CD226: variants seen among roughly 807,000 people sequenced by gnomAD.
The protein encoded by CD226 is CD226 molecule, also known as CD226 antigen.
Under a neutral mutation model 34.9 loss-of-function variants are expected in CD226, and 24 were observed. That is an observed-to-expected ratio of 0.69 (90% confidence interval 0.50 to 0.97). The LOEUF (loss-of-function observed/expected upper bound fraction) is 0.97. Among genes scored for constraint, CD226 ranks in the 50% least tolerant of loss-of-function variants. CD226 has a pLI of 0.00. For missense variants in CD226, 397 were observed against 412.7 expected, an observed-to-expected ratio of 0.96 and a Z score of 0.33; for synonymous variants, 148 against 147.4, an observed-to-expected ratio of 1.00 and a Z score of -0.03.
At chr18:69,953,824 AC>A in intron 1 of CD226, among the ~76,000 whole-genome samples, 1 of 151,986 alleles carries the variant, frequency 6.6e-6, no homozygotes, top group South Asian at 2.1e-4. Context: ...ACATGGTGAA[AC>A]CCCGACTCTA....
At chr18:69,871,493 G>C (rs975337333) in intron 4 of CD226, among the ~76,000 whole-genome samples, 1 of 152,210 alleles carries the variant, frequency 6.6e-6, no homozygotes, top group African/African-American at 2.4e-5. Flanking sequence ...GGGATGGCAA[G>C]CATGAAAGTG....
chr18:69,936,998 TA>T lies in CD226; in HGVS notation c.382+9735del, dbSNP rs144352065. Among the ~76,000 whole-genome samples the T allele has an allele frequency of 1.6e-3, 247 of 152,354 alleles. 3 individuals are homozygous for T. Among genetic ancestry groups the T allele is most frequent in the African/African-American group, 5.5e-3 (230 of 41,588 alleles). On this transcript the variant is annotated intron_variant, in intron 2 of 5. Coordinates refer to ENST00000582621, the MANE Select transcript of CD226 (RefSeq NM_001303618.2). ...ATCACTTTCACCTGTCATTAATAGATATGATAGTGTCATTTTCGTATGTTTT... is the reference window on the plus strand; with the variant it reads ...ATCACTTTCACCTGTCATTAATAGATTGATAGTGTCATTTTCGTATGTTTT...
Position 69,858,360 on chromosome 18 carries a change from G to T in CD226, c.*5954C>A, listed in dbSNP as rs1399688327. ...TGAAGTTCTTCAACGAGCCTGGAGG[G>T]AATGTCGCAGTGTGTTCTGTTTGGA... On this transcript the variant is annotated 3_prime_UTR_variant, in exon 6 of 6. Coordinates refer to ENST00000582621, the MANE Select transcript of CD226 (RefSeq NM_001303618.2). 6.6e-6 allele frequency: 1 copy of T among 152,172 alleles called. No homozygotes were observed. Among genetic ancestry groups the T allele is most frequent in the Non-Finnish European group, 1.5e-5 (1 of 68,032 alleles). 9.4% of individuals were successfully genotyped at this position (152,172 alleles called of 1,614,324 possible). A position where few individuals can be genotyped will look rare whatever the true frequency, so the allele number is the denominator to read the frequency against.
intron 3 of CD226, among the ~76,000 whole-genome samples, chr18:69,884,671 G>A (rs1438331617): frequency 6.6e-6 from 1 of 152,168 alleles, no homozygotes; most frequent in Non-Finnish European, 1.5e-5. Flanking sequence ...AGGTGCAAAA[G>A]TACCTCCTGT....
intron 3 of CD226, among the ~76,000 whole-genome samples, chr18:69,879,691 G>A (rs1011488727): frequency 2.0e-4 from 31 of 152,158 alleles, no homozygotes; most frequent in South Asian, 1.5e-3. Flanking sequence ...CGAAGATGAC[G>A]GGATTAAGAG....
At chr18:69,961,560 C>T (rs2055929732), upstream of CD226, 2 of 152,150 alleles carry the variant, frequency 1.3e-5, no homozygotes, top group South Asian at 4.1e-4. Context: ...AAAGGTGCTC[C>T]CTGGAGCAGA....
intron 2 of CD226, among the ~76,000 whole-genome samples, chr18:69,898,663 G>A (rs538077529): frequency 1.5e-3 from 232 of 152,288 alleles, no homozygotes; most frequent in African/African-American, 5.4e-3. Flanking sequence ...AGTAGCCCCT[G>A]ATTAACCTTT....
chr18:69,897,323 G>A (rs1041072465), intron 2 of CD226, among the ~76,000 whole-genome samples: 2 of 152,182 alleles, frequency 1.3e-5, no homozygotes, highest in African/African-American at 4.8e-5. Flanking sequence ...TTGGGAACCC[G>A]ATCTAAAGAA....
intron 2 of CD226, among the ~76,000 whole-genome samples, chr18:69,902,742 T>G (rs1312334214): frequency 6.6e-6 from 1 of 151,902 alleles, no homozygotes. Context: ...CACGAGACGA[T>G]AACTTGTTCT....
At chr18:69,909,509 G>T (rs2055298149) in intron 2 of CD226, among the ~76,000 whole-genome samples, 1 of 152,190 alleles carries the variant, frequency 6.6e-6, no homozygotes, top group South Asian at 2.1e-4. Flanking sequence ...CCCTGAGGTA[G>T]AAGAGGCTGA....
intron 1 of CD226, among the ~76,000 whole-genome samples, chr18:69,954,691 G>T (rs988129947): frequency 6.6e-6 from 1 of 152,072 alleles, no homozygotes; most frequent in African/African-American, 2.4e-5. Context: ...TATTCCCAAG[G>T]CATCCAGAGC....
intron 2 of CD226, among the ~76,000 whole-genome samples, chr18:69,913,675 T>C (rs77370547): frequency 0.043 from 6,471 of 152,224 alleles, 487 homozygotes; most frequent in African/African-American, 0.15. Context: ...CTTAGAGTAG[T>C]TGGGAAGGAG....
chr18:69,939,040 C>T (rs549915934), intron 2 of CD226, among the ~76,000 whole-genome samples: 1 of 152,182 alleles, frequency 6.6e-6, no homozygotes, highest in African/African-American at 2.4e-5. Flanking sequence ...GAGCTGAGAT[C>T]ATGCCACTGC....
rs1263436506 is a variant in CD226, at chr18:69,854,074, A to G, written c.*10240T>C. On this transcript the variant is annotated 3_prime_UTR_variant, in exon 6 of 6. Coordinates refer to ENST00000582621, the MANE Select transcript of CD226 (RefSeq NM_001303618.2). Reference sequence around the variant, plus strand: ...AACATATGTGTTAAAATGTTTATACATGGAGATCGACTTCTGCCTTTAGTG... The same window carrying G: ...AACATATGTGTTAAAATGTTTATACGTGGAGATCGACTTCTGCCTTTAGTG... 2 of 144,564 alleles carry G rather than the reference A, an allele frequency of 1.4e-5. No individual in the cohort carries two copies. Among genetic ancestry groups the G allele is most frequent in the Non-Finnish European group, 3.0e-5 (2 of 66,458 alleles). 9.0% of individuals were successfully genotyped at this position (144,564 alleles called of 1,614,324 possible). A position where few individuals can be genotyped will look rare whatever the true frequency, so the allele number is the denominator to read the frequency against.
At position 69,859,745 on chromosome 18, in the gene CD226, C is replaced by T. The variant is rs905616601; in HGVS notation, c.*4569G>A. 3.3e-5 allele frequency: 5 copies of T among 152,054 alleles called. No homozygotes were observed. The highest frequency in any genetic ancestry group is 1.2e-4 in the African/African-American group (5 of 41,396). 9.4% of individuals were successfully genotyped at this position (152,054 alleles called of 1,614,324 possible). On this transcript the variant is annotated 3_prime_UTR_variant, in exon 6 of 6. Coordinates refer to ENST00000582621, the MANE Select transcript of CD226 (RefSeq NM_001303618.2). ...CAAACAAACAAAAAACCTGTAAAGC[C>T]CTTTGACCCTTTGCACTACATGCAC...
intron 2 of CD226, among the ~76,000 whole-genome samples, chr18:69,925,850 A>G (rs1003938090): frequency 1.3e-5 from 2 of 152,152 alleles, no homozygotes; most frequent in African/African-American, 4.8e-5. Context: ...AGCACATAGA[A>G]TCACTTAGCA....
chr18:69,881,624 A>G (rs1387956956), intron 3 of CD226, among the ~76,000 whole-genome samples: 1 of 152,228 alleles, frequency 6.6e-6, no homozygotes, highest in Non-Finnish European at 1.5e-5. Context: ...TTTATATTTT[A>G]CGTAGACACA....
chr18:69,909,043 A>T (rs1028884119), intron 2 of CD226, among the ~76,000 whole-genome samples: 2 of 152,188 alleles, frequency 1.3e-5, no homozygotes, highest in Admixed American at 1.3e-4. Context: ...TCATTTCAAA[A>T]TAGGCTAACC....
intron 2 of CD226, among the ~76,000 whole-genome samples, chr18:69,912,980 TG>T (rs1166856430): frequency 6.6e-6 from 1 of 152,328 alleles, no homozygotes; most frequent in Non-Finnish European, 1.5e-5. Context: ...ACAAACAGTT[TG>T]TCTCACTGGT....
Sources: gnomAD v4.1 joint callset for allele counts (sites outside exome capture counted in the v4.1 genomes callset) on GRCh38, gnomAD v4.1.1 for gene constraint, MANE v1.5 for transcripts, NCBI Gene and HGNC (gene_info 2026-07-23, HGNC 2026-07-21) for gene names.